Variants in TRIM65 observed in about 807,000 individuals in gnomAD.
The protein encoded by TRIM65 is E3 ubiquitin-protein ligase TRIM65.
A neutral mutation model predicts 36.1 loss-of-function variants in TRIM65; 46 were observed. The ratio of observed to expected loss-of-function variants is 1.27; its 90% CI spans 1.01 to 1.63. TRIM65 has a LOEUF of 1.63. TRIM65 is among the 40% of genes most tolerant of loss of function. The pLI, the probability that TRIM65 is intolerant of heterozygous loss-of-function variation, is 0.00. For synonymous variants in TRIM65, 346 were observed against 313.6 expected (o/e 1.10, Z -1.09); for missense variants, 708 against 696.6 (o/e 1.02, Z -0.18).
At chr17:75,885,389 A>G (rs899483306), downstream of TRIM65, among the ~76,000 whole-genome samples, 1 of 152,078 alleles carries the variant, frequency 6.6e-6, no homozygotes, top group Non-Finnish European at 1.5e-5. Context: ...CAATCCTCCC[A>G]GTTCAGCCTC....
At chr17:75,884,081 T>A (rs2065188145), downstream of TRIM65, among the ~76,000 whole-genome samples, 2 of 151,280 alleles carry the variant, frequency 1.3e-5, no homozygotes, top group South Asian at 2.1e-4. Flanking sequence ...GAGGTTGCAA[T>A]GAGCCGAGAT....
At chr17:75,879,703 C>T (rs1239271201), downstream of TRIM65, among the ~76,000 whole-genome samples, 1 of 149,696 alleles carries the variant, frequency 6.7e-6, no homozygotes, top group Non-Finnish European at 1.5e-5. Flanking sequence ...AATAAATTAA[C>T]AAGCTGGGGA....
chr17:75,893,911 T>A (rs1382672201), intron 1 of TRIM65, among the ~76,000 whole-genome samples: 1 of 151,964 alleles, frequency 6.6e-6, no homozygotes, highest in African/African-American at 2.4e-5. Context: ...AACTCAAACT[T>A]CCGTGCCTAG....
At chr17:75,879,562 G>A (rs1294316266), downstream of TRIM65, 2 of 150,664 alleles carry the variant, frequency 1.3e-5, no homozygotes, top group African/African-American at 5.0e-5. Flanking sequence ...GCGTTTTATT[G>A]TATGAGTTAT....
chr17:75,891,267 A>G lies in TRIM65; in HGVS notation c.1066T>C (p.Cys356Arg). The G allele has an allele frequency of 1.2e-6, 2 of 1,613,288 alleles. No homozygotes were observed. Among genetic ancestry groups the G allele is most frequent in the Non-Finnish European group, 1.7e-6 (2 of 1,180,028 alleles). ...LSRQDQQVKH[C>R]RQSRGPGGPG... ...CCGCCTGGGCCCCGGGACTGACGAC[A>G]GTGCTTCACCTGCTGGTCCTGGCGC... is the stretch of plus-strand genomic sequence containing the variant. The change falls in exon 6 of 6, where the codon TGT (cysteine) becomes CGT (arginine). Residue 356 changes from cysteine to arginine, a missense_variant. Cys to Arg is a radical substitution (Grantham distance 180). Coordinates refer to ENST00000269383, the MANE Select transcript of TRIM65 (RefSeq NM_173547.4).
At chr17:75,894,895 C>A (rs548940275) in intron 1 of TRIM65, among the ~76,000 whole-genome samples, 3 of 152,310 alleles carry the variant, frequency 2.0e-5, no homozygotes, top group East Asian at 3.9e-4. Context: ...GAGGAGGTGA[C>A]CCTCACTCAT....
intron 1 of TRIM65, among the ~76,000 whole-genome samples, chr17:75,893,488 A>G (rs2065302777): frequency 6.6e-6 from 1 of 152,062 alleles, no homozygotes. Flanking sequence ...TGGGAATCAA[A>G]ACACCGTGCT....
At chr17:75,893,401 C>A (rs559108162) in intron 1 of TRIM65, among the ~76,000 whole-genome samples, 27 of 152,254 alleles carry the variant, frequency 1.8e-4, no homozygotes, top group African/African-American at 5.3e-4. Flanking sequence ...TCTGGGGATC[C>A]GGCCAGTCCC....
downstream of TRIM65, among the ~76,000 whole-genome samples, chr17:75,884,281 A>C (rs2065190093): frequency 6.6e-6 from 1 of 151,974 alleles, no homozygotes; most frequent in Admixed American, 6.6e-5. Context: ...AACATGGAGA[A>C]ACCCCATCTG....
chr17:75,881,066 C>G (rs1196045154), intron 4 of TRIM65, among the ~76,000 whole-genome samples: 1 of 149,376 alleles, frequency 6.7e-6, no homozygotes, highest in Non-Finnish European at 1.5e-5. Flanking sequence ...GTTAACATGG[C>G]GAAACCCCAT....
At chr17:75,893,255 C>T (rs935871103) in intron 1 of TRIM65, among the ~76,000 whole-genome samples, 36 of 152,176 alleles carry the variant, frequency 2.4e-4, no homozygotes, top group Non-Finnish European at 4.4e-5. Flanking sequence ...ACACTAAAGC[C>T]GTTGGTCCCT....
intron 4 of TRIM65, among the ~76,000 whole-genome samples, chr17:75,881,933 TG>T (rs1167924190): frequency 6.7e-6 from 1 of 150,168 alleles, no homozygotes; most frequent in South Asian, 2.1e-4. Flanking sequence ...CTAGAGCACT[TG>T]ATCAGGACTA....
chr17:75,890,676 G>A lies in TRIM65; in HGVS notation c.*103C>T. ...CCTCCCATCTCTTTCTGAGTTAACA[G>A]AGAGGCCAACAGCTGGTCCTCCAGT... On this transcript the variant is annotated 3_prime_UTR_variant, in exon 6 of 6. Transcript: ENST00000269383. 6.9e-6 allele frequency: 7 copies of A among 1,019,438 alleles called. No homozygotes were observed. The highest frequency in any genetic ancestry group is 9.6e-6 in the Non-Finnish European group (7 of 730,226). 63.1% of individuals were successfully genotyped at this position (1,019,438 alleles called of 1,614,324 possible). A position where few individuals can be genotyped will look rare whatever the true frequency, so the allele number is the denominator to read the frequency against.
rs372523413 is a variant in TRIM65, at chr17:75,892,757, G to A, written c.508C>T (p.Gln170Ter). The A allele has an allele frequency of 3.1e-6, 5 of 1,603,292 alleles. No individual in the cohort carries two copies. Among genetic ancestry groups the A allele is most frequent in the African/African-American group, 1.3e-5 (1 of 74,928 alleles). ...GCGGGCAGGCACAGGCCTCGTACCT[G>A]GATCTGGCTGCTTTGCTTGCGCAGC... ...LELRKQSSQI[Q>*]NSACILASWV... Residue 170 changes from glutamine (Q) to a stop codon, truncating the protein, a stop_gained and splice_region_variant, in exon 2 of 6, where the codon CAG becomes TAG. Coordinates refer to ENST00000269383, the MANE Select transcript of TRIM65 (RefSeq NM_173547.4). LOFTEE classifies it high-confidence loss of function.
At chr17:75,884,135 C>T (rs2065188581), downstream of TRIM65, among the ~76,000 whole-genome samples, 1 of 150,240 alleles carries the variant, frequency 6.7e-6, no homozygotes. Context: ...GACTCCATCT[C>T]AAAAAATAAA....
chr17:75,891,928 T>C (rs1285566707), intron 4 of TRIM65, 50 bp from the exon 5 acceptor site: 1 of 1,572,366 alleles, frequency 6.4e-7, no homozygotes, highest in Non-Finnish European at 8.6e-7. Context: ...TCACGATGTG[T>C]GGGCCCTGAC....
At chr17:75,881,404 T>C (rs1265654408) in intron 4 of TRIM65, among the ~76,000 whole-genome samples, 1 of 150,140 alleles carries the variant, frequency 6.7e-6, no homozygotes, top group African/African-American at 2.5e-5. Flanking sequence ...CAACAGACAC[T>C]CCTCACAGTT....
chr17:75,884,194 G>A (rs376160283), downstream of TRIM65, among the ~76,000 whole-genome samples: 5 of 151,810 alleles, frequency 3.3e-5, no homozygotes, highest in South Asian at 4.1e-4. Flanking sequence ...GCGGTGGCTC[G>A]CGCCTGTAAT....
At chr17:75,883,627 A>T (rs2065184276) in intron 4 of TRIM65, among the ~76,000 whole-genome samples, 1 of 140,840 alleles carries the variant, frequency 7.1e-6, no homozygotes, top group African/African-American at 2.7e-5. Flanking sequence ...TCCCGGGTTC[A>T]TCCCATTCTC....
Sources: gnomAD v4.1 joint callset for allele counts (sites outside exome capture counted in the v4.1 genomes callset) on GRCh38, gnomAD v4.1.1 for gene constraint, MANE v1.5 for transcripts, NCBI Gene and HGNC (gene_info 2026-07-23, HGNC 2026-07-21) for gene names.